DHRS12: variants seen among roughly 807,000 people sequenced by gnomAD.
The protein encoded by DHRS12 is dehydrogenase/reductase 12, also known as dehydrogenase/reductase SDR family member 12.
A neutral mutation model predicts 32.1 loss-of-function variants in DHRS12; 29 were observed. The ratio of observed to expected loss-of-function variants is 0.90; its 90% CI spans 0.67 to 1.23. The LOEUF (loss-of-function observed/expected upper bound fraction) is 1.23, where lower values mean the gene tolerates loss of function less well. DHRS12 is among the 50% of genes most tolerant of loss of function. The probability of loss-of-function intolerance (pLI) is 0.00; values close to 1 mark genes in which losing one functional copy is unlikely to be tolerated. For missense variants in DHRS12, 330 were observed against 337.2 expected (o/e 0.98, Z 0.17); for synonymous variants, 150 against 135.9 (o/e 1.10, Z -0.72).
chr13:51,777,910 G>C (rs910171737), intron 4 of DHRS12, among the ~76,000 whole-genome samples: 1 of 152,222 alleles, frequency 6.6e-6, no homozygotes, highest in South Asian at 2.1e-4. Flanking sequence ...ACAAAAAAGG[G>C]AGAGTTTAAA....
In DHRS12 at chr13:51,794,939, C is replaced by T. The variant is rs77017486; in HGVS notation, c.127-3682G>A. Among the ~76,000 whole-genome samples the T allele has an allele frequency of 4.2e-3, 646 of 152,216 alleles. 4 individuals are homozygous for T. The highest frequency in any genetic ancestry group is 0.015 in the African/African-American group (605 of 41,522). ...CCTAGGCCCTTTGGGAGCATCGTGT[C>T]CAGTGGACTGGTGAGCCAGCAGTCT... is the stretch of plus-strand genomic sequence containing the variant. On this transcript the variant is annotated intron_variant, in intron 2 of 8. Transcript: ENST00000444610.
intron 4 of DHRS12, among the ~76,000 whole-genome samples, chr13:51,784,397 A>G (rs1256408390): frequency 6.6e-6 from 1 of 152,210 alleles, no homozygotes; most frequent in Non-Finnish European, 1.5e-5. Flanking sequence ...GCAGCAGGAC[A>G]AAAGCATAGA....
At chr13:51,768,346 T>A (rs959168912) in intron 8 of DHRS12, 50 bp from the exon 9 acceptor site, 1 of 1,534,062 alleles carries the variant, frequency 6.5e-7, no homozygotes, top group Non-Finnish European at 8.7e-7. Context: ...GCAGCGTGGC[T>A]GGGTCCATGT....
chr13:51,777,848 C>G (rs1222513875), intron 4 of DHRS12, among the ~76,000 whole-genome samples: 1 of 152,226 alleles, frequency 6.6e-6, no homozygotes, highest in Non-Finnish European at 1.5e-5. Context: ...CTATATTCTT[C>G]TTATACATGC....
intron 6 of DHRS12, chr13:51,773,155 C>G (rs1167273094): frequency 6.1e-6 from 5 of 824,290 alleles, no homozygotes; most frequent in Non-Finnish European, 7.3e-6. Context: ...ATCTGAAATG[C>G]TGAGGCCCAG....
intron 2 of DHRS12, among the ~76,000 whole-genome samples, chr13:51,798,996 G>A (rs938292288): frequency 4.6e-5 from 7 of 152,314 alleles, no homozygotes; most frequent in African/African-American, 1.4e-4. Flanking sequence ...GGAGGGAAGC[G>A]GGAGGCTGCT....
rs1361457290 is a variant in DHRS12, at chr13:51,793,391, C to T, written c.127-2134G>A. Among the ~76,000 whole-genome samples the T allele has an allele frequency of 2.0e-5, 3 of 152,208 alleles. No individual in the cohort carries two copies. The East Asian group carries it at 5.8e-4, about 29-fold the overall frequency. On this transcript the variant is annotated intron_variant, in intron 2 of 8. Coordinates refer to ENST00000444610, the MANE Select transcript of DHRS12 (RefSeq NM_001377533.1). ...CTCCTTTGACAAAGCAGAGAAGTTC[C>T]GTGCCCTGCCTGAGTTTCCCCATTA...
At chr13:51,766,112 T>C (rs1953740375), downstream of DHRS12, 1 of 152,274 alleles carries the variant, frequency 6.6e-6, no homozygotes, top group Non-Finnish European at 1.5e-5. Flanking sequence ...TATGCCACTA[T>C]GAAGTATGGC....
chr13:51,759,883 C>A, the DHRS12 span: 50 of 1,228,968 alleles, frequency 4.1e-5, no homozygotes, highest in Non-Finnish European at 5.5e-5. Context: ...AAACTAAAGA[C>A]CCTGAATGAA....
At chr13:51,761,672 G>GGAA in the DHRS12 span, 1 of 152,208 alleles carries the variant, frequency 6.6e-6, no homozygotes, top group African/African-American at 2.4e-5. Context: ...CTAACTAGGG[G>GGAA]GAAGTACTAC....
intron 4 of DHRS12, among the ~76,000 whole-genome samples, chr13:51,778,308 C>T (rs942739046): frequency 6.6e-6 from 1 of 152,260 alleles, no homozygotes; most frequent in Admixed American, 6.5e-5. Context: ...TTGTCCTGCT[C>T]TTGCTGTATT....
chr13:51,786,572 G>C (rs1053705820), intron 4 of DHRS12, among the ~76,000 whole-genome samples: 1 of 152,156 alleles, frequency 6.6e-6, no homozygotes, highest in African/African-American at 2.4e-5. Context: ...TTGTCCCTCA[G>C]TAGGATATGA....
At chr13:51,798,353 A>G (rs74357859) in intron 2 of DHRS12, among the ~76,000 whole-genome samples, 2,446 of 152,316 alleles carry the variant, frequency 0.016, 68 homozygotes, top group African/African-American at 0.056. Flanking sequence ...CCACTTGCCT[A>G]GCATGTAGTA....
At chr13:51,765,803 G>GAT (rs1953728222), downstream of DHRS12, 1 of 152,130 alleles carries the variant, frequency 6.6e-6, no homozygotes, top group Admixed American at 6.5e-5. Context: ...TCTTTTTAAA[G>GAT]ATGGTAAGGG....
intron 6 of DHRS12, chr13:51,772,732 T>G: frequency 1.0e-6 from 1 of 985,490 alleles, no homozygotes; most frequent in Non-Finnish European, 1.2e-6. Flanking sequence ...CAGGGTAGTT[T>G]GATCATGCTT....
chr13:51,758,421 T>A, the DHRS12 span: 1 of 602,790 alleles, frequency 1.7e-6, no homozygotes, highest in South Asian at 2.5e-5. Flanking sequence ...CATGGTGGCA[T>A]GTGTCTGTAG....
chr13:51,780,178 A>AAAAT (rs57632376), intron 4 of DHRS12, among the ~76,000 whole-genome samples: 17,264 of 151,096 alleles, frequency 0.11, 1,177 homozygotes, highest in East Asian at 0.31. Context: ...TTCCATCTCA[A>AAAAT]AAATAAATAA....
In DHRS12 at chr13:51,769,165, A is replaced by C. The variant is rs960284678; in HGVS notation, c.688T>G (p.Phe230Val). 6.5e-7 allele frequency: 1 copy of C among 1,549,926 alleles called. No individual in the cohort carries two copies. Among genetic ancestry groups the C allele is most frequent in the Non-Finnish European group, 8.7e-7 (1 of 1,147,482 alleles). Residue 230 changes from phenylalanine (F) to valine (V), a missense_variant, in exon 8 of 9, where the codon TTC becomes GTC. Transcript: ENST00000444610. ...SAAAAQPSGR[F>V]FQDRKPVSTH... ...CCAGGGAGGAAGTCACCTTGAAAGAAGCGGCCGCTGGGCTGTGCGGCTGCG... is the reference window on the plus strand; with the variant it reads ...CCAGGGAGGAAGTCACCTTGAAAGACGCGGCCGCTGGGCTGTGCGGCTGCG...
intron 3 of DHRS12, among the ~76,000 whole-genome samples, 195 bp downstream of exon 3, chr13:51,790,970 C>A (rs1454640015): frequency 2.0e-5 from 3 of 152,140 alleles, no homozygotes; most frequent in Non-Finnish European, 2.9e-5. Context: ...CCCTTCCTTT[C>A]CCCACTAATC....
Sources: gnomAD v4.1 joint callset for allele counts (sites outside exome capture counted in the v4.1 genomes callset) on GRCh38, gnomAD v4.1.1 for gene constraint, MANE v1.5 for transcripts, NCBI Gene and HGNC (gene_info 2026-07-23, HGNC 2026-07-21) for gene names.